Variants in PALM2AKAP2 observed in about 807,000 individuals in gnomAD.
The protein encoded by PALM2AKAP2 is PALM2-AKAP2 fusion protein.
PALM2AKAP2 carries 37 observed loss-of-function variants against 71.5 expected under a neutral mutation model. That is an observed-to-expected ratio of 0.52 (90% CI 0.40 to 0.68). The LOEUF (loss-of-function observed/expected upper bound fraction) is 0.68, where lower values mean the gene tolerates loss of function less well. Among genes scored for constraint, PALM2AKAP2 ranks in the 30% least tolerant of loss-of-function variants. PALM2AKAP2 has a pLI of 0.00. For synonymous variants in PALM2AKAP2, 468 were observed against 478.8 expected (o/e 0.98, Z 0.29); for missense variants, 1,224 against 1,191.8 (o/e 1.03, Z -0.40).
chr9:109,689,447 G>A (rs538247722), intron 1 of PALM2AKAP2, among the ~76,000 whole-genome samples: 42 of 152,110 alleles, frequency 2.8e-4, no homozygotes, highest in Admixed American at 2.2e-3. Flanking sequence ...TGATCCACCC[G>A]CCTCGGCCAC....
At chr9:110,103,890 T>C (rs1835055614) in intron 1 of PALM2AKAP2, among the ~76,000 whole-genome samples, 2 of 152,214 alleles carry the variant, frequency 1.3e-5, no homozygotes, top group African/African-American at 4.8e-5. Context: ...TTCATATCTA[T>C]CTGTCTTTCT....
chr9:110,136,131 C>A lies in PALM2AKAP2; in HGVS notation c.161C>A (p.Pro54His), dbSNP rs770621971. 1.9e-6 allele frequency: 3 copies of A among 1,571,880 alleles called. No individual in the cohort carries two copies. In the African/African-American group the frequency reaches 4.1e-5, roughly 21 times the overall value. The change falls in exon 2 of 4, where the codon CCT (proline) becomes CAT (histidine). Residue 54 changes from proline (P) to histidine (H), a missense_variant. By Grantham distance (77) the Pro-to-His change is moderately conservative. Coordinates refer to ENST00000374525, the Ensembl canonical transcript of PALM2AKAP2. ...TTTGTTTACTCTTTATTCCAGAAGC[C>A]TCCCCAGCTTTCTGAGGATGATATC...
chr9:110,129,722 C>T (rs747441865), intron 1 of PALM2AKAP2, among the ~76,000 whole-genome samples: 1 of 152,234 alleles, frequency 6.6e-6, no homozygotes, highest in Non-Finnish European at 1.5e-5. Context: ...TGTACATTTA[C>T]TTGGCTAGTT....
Position 109,925,100 on chromosome 9 carries a change from C to G in PALM2AKAP2, c.394+18C>G. ...GGATGGAGGTAAGTGCTCTCTGCCC[C>G]GACTGTAGATGAATGTTTTAATCCT... On this transcript the variant is annotated intron_variant, in intron 5 of 9. Coordinates refer to the PALM2AKAP2 transcript ENST00000302798. 1 of 1,614,016 alleles carries G rather than the reference C, an allele frequency of 6.2e-7. No individual in the cohort carries two copies. Among genetic ancestry groups the G allele is most frequent in the Non-Finnish European group, 8.5e-7 (1 of 1,179,962 alleles).
intron 1 of PALM2AKAP2, among the ~76,000 whole-genome samples, chr9:109,835,520 C>T (rs987422755): frequency 3.9e-5 from 6 of 152,174 alleles, no homozygotes; most frequent in East Asian, 3.9e-4. Flanking sequence ...TGGGGCTTGT[C>T]GGACAGTGGG....
At chr9:110,017,342 T>C (rs1259300508) in intron 7 of PALM2AKAP2, among the ~76,000 whole-genome samples, 3 of 152,254 alleles carry the variant, frequency 2.0e-5, no homozygotes, top group Non-Finnish European at 4.4e-5. Flanking sequence ...AAAGATAGGA[T>C]AGTAGCCTGA....
intron 1 of PALM2AKAP2, among the ~76,000 whole-genome samples, chr9:109,737,051 T>A (rs186070662): frequency 2.6e-5 from 4 of 152,372 alleles, no homozygotes; most frequent in African/African-American, 7.2e-5. Flanking sequence ...TAGTGTAAGA[T>A]GATTTTATCG....
intron 6 of PALM2AKAP2, among the ~76,000 whole-genome samples, chr9:109,977,460 C>T (rs931185134): frequency 6.6e-6 from 1 of 152,182 alleles, no homozygotes; most frequent in Non-Finnish European, 1.5e-5. Flanking sequence ...TGTCCCACCA[C>T]TTCTGCTCTG....
intron 1 of PALM2AKAP2, among the ~76,000 whole-genome samples, chr9:110,065,079 C>G (rs892301479): frequency 1.3e-5 from 2 of 152,190 alleles, no homozygotes; most frequent in Admixed American, 6.5e-5. Context: ...TCACACCAGC[C>G]GGATGACTTT....
chr9:109,923,696 A>G (rs2131957703), intron 3 of PALM2AKAP2, 39 bp from the exon 4 acceptor site: 1 of 1,548,056 alleles, frequency 6.5e-7, no homozygotes. Context: ...GGATGGCAGG[A>G]CAATAAAGTA....
At chr9:110,132,245 G>A (rs1294035259) in intron 1 of PALM2AKAP2, among the ~76,000 whole-genome samples, 5 of 152,098 alleles carry the variant, frequency 3.3e-5, no homozygotes, top group Non-Finnish European at 7.4e-5. Context: ...AGTAGAGATG[G>A]GGTTTCACCA....
intron 7 of PALM2AKAP2, among the ~76,000 whole-genome samples, chr9:110,038,935 C>CAAAAAAAAAAAAAAAA (rs71373959): frequency 2.6e-5 from 2 of 78,376 alleles, no homozygotes; most frequent in African/African-American, 5.4e-5. Context: ...AACTCGGTCT[C>CAAAAAAAAAAAAAAAA]AAAAAAAAAA....
At chr9:110,048,448 C>G (rs1170951947), upstream of PALM2AKAP2, 2 of 503,156 alleles carry the variant, frequency 4.0e-6, no homozygotes, top group Non-Finnish European at 7.0e-6. Flanking sequence ...CTTTGCCCGC[C>G]CCATCCATCC....
chr9:109,725,403 G>A (rs937457871), intron 1 of PALM2AKAP2, among the ~76,000 whole-genome samples: 1 of 152,102 alleles, frequency 6.6e-6, no homozygotes, highest in African/African-American at 2.4e-5. Context: ...CCTCACTCGT[G>A]TCATATTAGT....
intron 1 of PALM2AKAP2, among the ~76,000 whole-genome samples, chr9:109,829,941 A>C (rs1457721254): frequency 1.3e-5 from 2 of 152,140 alleles, no homozygotes; most frequent in Non-Finnish European, 2.9e-5. Flanking sequence ...ATAATTACCT[A>C]CTTGAATAGT....
At chr9:109,859,969 G>T (rs1829267255) in intron 1 of PALM2AKAP2, among the ~76,000 whole-genome samples, 1 of 152,226 alleles carries the variant, frequency 6.6e-6, no homozygotes, top group Non-Finnish European at 1.5e-5. Context: ...GGACACTGCA[G>T]GGGTCTTAGC....
In PALM2AKAP2 at chr9:110,118,450, G is replaced by A. The variant is rs146911667; in HGVS notation, c.157-17677G>A. On this transcript the variant is annotated intron_variant, in intron 1 of 3. Coordinates refer to ENST00000374525, the Ensembl canonical transcript of PALM2AKAP2. Reference sequence around the variant, plus strand: ...TTTAGTAGAGACAGGATTTCGCAACGTTGGCCAGGCTGGTCTCAAGCTCCT... The same window carrying A: ...TTTAGTAGAGACAGGATTTCGCAACATTGGCCAGGCTGGTCTCAAGCTCCT... Among the ~76,000 whole-genome samples the A allele has an allele frequency of 8.7e-3, 1,320 of 152,126 alleles. 14 individuals are homozygous for A. Among genetic ancestry groups the A allele is most frequent in the African/African-American group, 0.029 (1,213 of 41,488 alleles).
intron 1 of PALM2AKAP2, among the ~76,000 whole-genome samples, chr9:109,784,513 G>A (rs1220423425): frequency 6.6e-6 from 1 of 152,202 alleles, no homozygotes; most frequent in African/African-American, 2.4e-5. Flanking sequence ...AAAGGGAAAG[G>A]CAAAAGCATG....
chr9:110,007,854 G>A (rs927085605), intron 6 of PALM2AKAP2, among the ~76,000 whole-genome samples: 3 of 152,204 alleles, frequency 2.0e-5, no homozygotes, highest in Non-Finnish European at 4.4e-5. Flanking sequence ...TTTCAACAAA[G>A]TTTGGACAGC....
Sources: allele counts gnomAD v4.1 joint callset (sites outside exome capture counted in the v4.1 genomes callset), GRCh38; gene constraint gnomAD v4.1.1; transcripts MANE v1.5; gene names NCBI Gene and HGNC (gene_info 2026-07-23, HGNC 2026-07-21).